Variants in APH1B observed in about 807,000 individuals in gnomAD.
APH1B encodes aph-1B gamma-secretase subunit.
In APH1B, 27 loss-of-function variants were observed where a neutral mutation model predicts 28.2. That is an observed-to-expected ratio of 0.96 (90% CI 0.70 to 1.32). The LOEUF is 1.32. APH1B is among the 40% of genes most tolerant of loss of function. The pLI is 0.00. For synonymous variants in APH1B, 141 were observed against 124.6 expected (o/e 1.13, Z -0.88); for missense variants, 305 against 313.6 (o/e 0.97, Z 0.21).
Position 63,305,818 on chromosome 15 carries a change from A to G in APH1B, c.*37A>G, listed in dbSNP as rs369054165. 5.9e-5 allele frequency: 94 copies of G among 1,586,090 alleles called. No individual in the cohort carries two copies. Among genetic ancestry groups the G allele is most frequent in the Non-Finnish European group, 7.9e-5 (93 of 1,170,588 alleles). On this transcript the variant is annotated 3_prime_UTR_variant, in exon 6 of 6. Coordinates refer to ENST00000261879, the MANE Select transcript of APH1B (RefSeq NM_031301.4). ...CAGCACTTCCCAAACCGCAGACTAC[A>G]TCTTTAGAGGAAGCACAACTGTGCC... is the stretch of plus-strand genomic sequence containing the variant.
At chr15:63,301,651 A>G (rs895918210) in intron 4 of APH1B, among the ~76,000 whole-genome samples, 5 of 150,536 alleles carry the variant, frequency 3.3e-5, no homozygotes, top group Middle Eastern at 3.4e-3. Flanking sequence ...GCATGATCTC[A>G]GCTCACTGCA....
chr15:63,279,179 GTC>G lies in APH1B; in HGVS notation c.136_137del (p.Leu46ThrfsTer15). The part of the protein sequence containing the change: ...LIAGAFFWLV[S>X]LLISSLVWFM... ...TTTTCAGAGCTTTCTTCTGGTTGGT[GTC>G]TCTACTGATTTCGTCCCTTGTTTGG... On this transcript the variant is annotated frameshift_variant, in exon 2 of 6. Transcript: ENST00000261879. LOFTEE classifies it high-confidence loss of function. 2 of 1,600,642 alleles carry G rather than the reference GTC, an allele frequency of 1.2e-6. No individual in the cohort carries two copies. The highest frequency in any genetic ancestry group is 1.7e-6 in the Non-Finnish European group (2 of 1,170,714).
chr15:63,285,134 A>G (rs1485400303), intron 2 of APH1B, among the ~76,000 whole-genome samples: 1 of 152,176 alleles, frequency 6.6e-6, no homozygotes, highest in East Asian at 1.9e-4. Flanking sequence ...AAAATGGCAG[A>G]TTGTTTCTTT....
At chr15:63,288,728 T>C (rs1437312803) in intron 4 of APH1B, among the ~76,000 whole-genome samples, 9 of 152,234 alleles carry the variant, frequency 5.9e-5, no homozygotes, top group Non-Finnish European at 1.2e-4. Context: ...ATTATCTTTC[T>C]TTTGAACATT....
At position 63,286,640 on chromosome 15, in the gene APH1B, C is replaced by T; in HGVS notation, c.355+12C>T. 6.3e-7 allele frequency: 1 copy of T among 1,591,286 alleles called. No homozygotes were observed. Among genetic ancestry groups the T allele is most frequent in the Non-Finnish European group, 8.5e-7 (1 of 1,172,086 alleles). On this transcript the variant is annotated intron_variant, in intron 3 of 5. Coordinates refer to ENST00000261879, the MANE Select transcript of APH1B (RefSeq NM_031301.4). The stretch of plus-strand genomic sequence containing the variant: ...ACTGCTGGCCTATGGTAAGTTAGAA[C>T]CACATGGTTTCATTAAGGAAAAAAA...
intron 4 of APH1B, among the ~76,000 whole-genome samples, chr15:63,299,893 T>G (rs1265683164): frequency 6.6e-6 from 1 of 151,762 alleles, no homozygotes; most frequent in Non-Finnish European, 1.5e-5. Flanking sequence ...CTAAATGTAC[T>G]TTCTCCCCAA....
intron 4 of APH1B, among the ~76,000 whole-genome samples, chr15:63,301,085 G>A (rs1465108939): frequency 2.0e-5 from 3 of 152,206 alleles, no homozygotes; most frequent in Admixed American, 2.0e-4. Flanking sequence ...GGATTGCTGG[G>A]CTCCCACCCC....
At chr15:63,283,282 G>A (rs1695035187) in intron 2 of APH1B, among the ~76,000 whole-genome samples, 1 of 152,216 alleles carries the variant, frequency 6.6e-6, no homozygotes, top group African/African-American at 2.4e-5. Flanking sequence ...AGGCTAGAGT[G>A]CAGTGGCGCA....
At chr15:63,299,694 G>A (rs146945115) in intron 4 of APH1B, among the ~76,000 whole-genome samples, 1 of 152,088 alleles carries the variant, frequency 6.6e-6, no homozygotes, top group East Asian at 1.9e-4. Flanking sequence ...GTGAGCCATC[G>A]CGCCCAGCCC....
intron 2 of APH1B, among the ~76,000 whole-genome samples, chr15:63,282,969 G>C (rs1001286054): frequency 1.3e-5 from 2 of 152,048 alleles, no homozygotes; most frequent in Non-Finnish European, 2.9e-5. Context: ...AATTTGAATT[G>C]TTTCTTTTTT....
intron 2 of APH1B, among the ~76,000 whole-genome samples, chr15:63,281,902 G>A (rs1028636861): frequency 6.6e-6 from 1 of 152,152 alleles, no homozygotes; most frequent in Non-Finnish European, 1.5e-5. Context: ...CGAATGCCAG[G>A]AAGTTCAGAG....
At chr15:63,286,746 TG>T (rs1464778214) in intron 3 of APH1B, 118 bp downstream of exon 3, 10 of 927,476 alleles carry the variant, frequency 1.1e-5, no homozygotes, top group Non-Finnish European at 1.6e-5. Context: ...CTTGGCCTAT[TG>T]GTGTACATAT....
chr15:63,298,594 C>T (rs1183553733), intron 4 of APH1B, among the ~76,000 whole-genome samples: 1 of 152,178 alleles, frequency 6.6e-6, no homozygotes, highest in African/African-American at 2.4e-5. Flanking sequence ...ACTTTCTCAC[C>T]TGATAGTACA....
intron 2 of APH1B, among the ~76,000 whole-genome samples, chr15:63,285,272 C>T (rs952002882): frequency 1.3e-5 from 2 of 152,156 alleles, no homozygotes; most frequent in African/African-American, 4.8e-5. Context: ...AATGAATACC[C>T]ATACCCTGAA....
intron 4 of APH1B, among the ~76,000 whole-genome samples, chr15:63,294,858 A>T (rs968722414): frequency 1.3e-5 from 2 of 152,228 alleles, no homozygotes; most frequent in Admixed American, 6.5e-5. Context: ...CCCTACATTC[A>T]GTGGACAACA....
chr15:63,300,792 T>G (rs1275979867), intron 4 of APH1B, among the ~76,000 whole-genome samples: 1 of 152,262 alleles, frequency 6.6e-6, no homozygotes, highest in Non-Finnish European at 1.5e-5. Context: ...TGTTTTAGAA[T>G]TCATATCAAT....
intron 4 of APH1B, among the ~76,000 whole-genome samples, chr15:63,294,460 G>A (rs560395365): frequency 6.6e-6 from 1 of 152,296 alleles, no homozygotes; most frequent in South Asian, 2.1e-4. Context: ...GTTCTTCAGT[G>A]CTGGGACCAC....
At position 63,291,191 on chromosome 15, in the gene APH1B, G is replaced by T. The variant is rs918732091; in HGVS notation, c.478+3645G>T. 4.6e-5 allele frequency among the ~76,000 whole-genome samples: 7 copies of T among 152,308 alleles called. No homozygotes were observed. The East Asian group carries it at 9.6e-4, about 21-fold the overall frequency. ...GGCCTAAGAATATTATTAAGGTGGA[G>T]AATTTAGCGCTTGAGATGAGAAAAC... On this transcript the variant is annotated intron_variant, in intron 4 of 5. Coordinates refer to ENST00000261879, the MANE Select transcript of APH1B (RefSeq NM_031301.4).
At chr15:63,298,106 T>C (rs145550634) in intron 4 of APH1B, among the ~76,000 whole-genome samples, 150 of 152,318 alleles carry the variant, frequency 9.8e-4, no homozygotes, top group African/African-American at 3.6e-3. Context: ...ATACTTGTTA[T>C]GTGGGTTGAT....
Sources: allele counts gnomAD v4.1 joint callset (sites outside exome capture counted in the v4.1 genomes callset), GRCh38; gene constraint gnomAD v4.1.1; transcripts MANE v1.5; gene names NCBI Gene and HGNC (gene_info 2026-07-23, HGNC 2026-07-21).